Variants in SLC4A7 observed in about 807,000 individuals in gnomAD.
The protein encoded by SLC4A7 is sodium bicarbonate cotransporter 3.
SLC4A7 carries 51 observed loss-of-function variants against 137.6 expected under a neutral mutation model. That is an observed-to-expected ratio of 0.37 (90% CI 0.30 to 0.47). The LOEUF (loss-of-function observed/expected upper bound fraction) is 0.47. Among genes scored for constraint, SLC4A7 ranks in the 20% least tolerant of loss-of-function variants. The pLI, the probability that SLC4A7 is intolerant of heterozygous loss-of-function variation, is 1.00. For synonymous variants in SLC4A7, 542 were observed against 518.6 expected (o/e 1.05, Z -0.61); for missense variants, 1,247 against 1,525.4 (o/e 0.82, Z 3.04).
intron 10 of SLC4A7, among the ~76,000 whole-genome samples, chr3:27,420,101 A>T (rs1576344939): frequency 6.6e-6 from 1 of 151,838 alleles, no homozygotes; most frequent in South Asian, 2.1e-4. Context: ...AGGCAGGAGA[A>T]TTGCAGTGAG....
At chr3:27,405,926 G>C (rs1476931471) in intron 13 of SLC4A7, among the ~76,000 whole-genome samples, 1 of 152,146 alleles carries the variant, frequency 6.6e-6, no homozygotes, top group South Asian at 2.1e-4. Flanking sequence ...TAGGCTATCA[G>C]ATGATTAGCT....
chr3:27,451,428 T>C lies in SLC4A7; in HGVS notation c.142+989A>G, dbSNP rs1034195108. ...GTTGATATCATATTGTCCACAGATA[T>C]GGTGCACTGAAAAGGGAACATTACT... On this transcript the variant is annotated intron_variant, in intron 2 of 25. Coordinates refer to ENST00000454389, the MANE Select transcript of SLC4A7 (RefSeq NM_001321103.2). 6.8e-4 allele frequency among the ~76,000 whole-genome samples: 103 copies of C among 152,052 alleles called. 1 individual carries two copies. Among genetic ancestry groups the C allele is most frequent in the Non-Finnish European group, 3.2e-4 (22 of 67,944 alleles).
At chr3:27,417,890 C>T (rs2054549149) in intron 11 of SLC4A7, among the ~76,000 whole-genome samples, 1 of 152,186 alleles carries the variant, frequency 6.6e-6, no homozygotes, top group African/African-American at 2.4e-5. Flanking sequence ...TTTCATACAT[C>T]ACTGCAGGAG....
Position 27,437,458 on chromosome 3 carries a change from C to A in SLC4A7, c.358G>T (p.Asp120Tyr), listed in dbSNP as rs1275384945. ...AGTTCATCCATTTCCGTGAAGAGAT[C>A]ATGGGGAATATGTTCTTCATCATCA... ...EDDDEEHIPH[D>Y]LFTEMDELCY... The change falls in exon 4 of 26, where the codon GAT becomes TAT. Residue 120 changes from aspartate to tyrosine, a missense_variant. Asp to Tyr is a radical substitution (Grantham distance 160). Transcript: ENST00000454389. 1.3e-6 allele frequency: 2 copies of A among 1,598,098 alleles called. No homozygotes were observed. The highest frequency in any genetic ancestry group is 2.7e-5 in the African/African-American group (2 of 74,198).
chr3:27,481,776 G>A (rs539590525), intron 1 of SLC4A7, among the ~76,000 whole-genome samples: 14 of 152,184 alleles, frequency 9.2e-5, no homozygotes, highest in South Asian at 2.1e-4. Context: ...CCCCTACCAC[G>A]TCATTAACAG....
intron 19 of SLC4A7, 53 bp from the exon 20 acceptor site, chr3:27,394,822 TTAAAATTCTACACGAA>T: frequency 6.3e-7 from 1 of 1,579,128 alleles, no homozygotes; most frequent in South Asian, 1.2e-5. Context: ...TTCCCTCAAT[TTAAAATTCTACACGAA>T]TTATAAAGAG....
intron 14 of SLC4A7, 72 bp from the exon 15 acceptor site, chr3:27,403,456 C>A: frequency 1.0e-6 from 1 of 1,003,996 alleles, no homozygotes; most frequent in Non-Finnish European, 1.5e-6. Flanking sequence ...TTTTTCATTG[C>A]AAGCAATGGG....
rs72167120 is a variant in SLC4A7 at position 27,426,886 on chromosome 3, C to CA, written c.1151-2735dup. ...CCTAGCATTCACAATGAGCAAATTACAAAAAAATAAAGCTATCATTAGCAC... is the reference window on the plus strand; with the variant it reads ...CCTAGCATTCACAATGAGCAAATTACAAAAAAAATAAAGCTATCATTAGCAC... On this transcript the variant is annotated intron_variant, in intron 7 of 25. Transcript: ENST00000454389. 7.9e-5 allele frequency among the ~76,000 whole-genome samples: 12 copies of CA among 151,780 alleles called. No homozygotes were observed. In the South Asian group the frequency reaches 2.3e-3, roughly 29 times the overall value.
chr3:27,378,592 C>G (rs759368158), intron 25 of SLC4A7, among the ~76,000 whole-genome samples: 144 of 152,224 alleles, frequency 9.5e-4, no homozygotes, highest in Non-Finnish European at 1.1e-3. Context: ...AAAGAGGTTA[C>G]AAAATACTTT....
chr3:27,439,459 G>A (rs945344274), intron 3 of SLC4A7, among the ~76,000 whole-genome samples: 3 of 152,022 alleles, frequency 2.0e-5, no homozygotes, highest in Admixed American at 2.0e-4. Context: ...CCAGCATTTA[G>A]GTCTTGCACA....
chr3:27,378,708 C>G (rs28549310), intron 25 of SLC4A7, among the ~76,000 whole-genome samples: 3,640 of 152,238 alleles, frequency 0.024, 164 homozygotes, highest in African/African-American at 0.084. Context: ...AAATGGCATA[C>G]TAAACCAAAA....
chr3:27,467,009 TTATAATA>T (rs1254334246), intron 1 of SLC4A7, among the ~76,000 whole-genome samples: 1 of 152,212 alleles, frequency 6.6e-6, no homozygotes, highest in Non-Finnish European at 1.5e-5. Flanking sequence ...TTACTAGCTT[TTATAATA>T]GTCTTACACT....
At chr3:27,402,315 A>G (rs560202669) in intron 15 of SLC4A7, among the ~76,000 whole-genome samples, 51 of 152,312 alleles carry the variant, frequency 3.3e-4, no homozygotes, top group Non-Finnish European at 6.2e-4. Flanking sequence ...ATCCTACTTT[A>G]TTCTAGAATT....
In SLC4A7 at chr3:27,390,410, T is replaced by C. The variant is rs2051417372; in HGVS notation, c.3187-306A>G. The C allele has an allele frequency of 2.4e-5, 5 of 211,712 alleles. 1 individual carries two copies. The highest frequency in any genetic ancestry group is 4.7e-5 in the Non-Finnish European group (5 of 105,554). The allele number at this position is 211,712 out of a possible 1,614,324, so 13.1% of individuals were successfully genotyped here. On this transcript the variant is annotated intron_variant, in intron 21 of 25. Transcript: ENST00000454389. ...GATAAACTTATCTGCTATAATTGAATGCACAAGTCATTTATCTCTTTGTTT... is the reference window on the plus strand; with the variant it reads ...GATAAACTTATCTGCTATAATTGAACGCACAAGTCATTTATCTCTTTGTTT...
chr3:27,385,218 C>T (rs1366962940), intron 23 of SLC4A7, among the ~76,000 whole-genome samples: 2 of 152,112 alleles, frequency 1.3e-5, no homozygotes, highest in East Asian at 1.9e-4. Context: ...CTACAATCAA[C>T]AAAACCATCA....
chr3:27,406,434 A>G (rs1181351088), intron 13 of SLC4A7, among the ~76,000 whole-genome samples: 1 of 152,230 alleles, frequency 6.6e-6, no homozygotes, highest in Non-Finnish European at 1.5e-5. Flanking sequence ...GATCAAACTC[A>G]AAGATAAACA....
At position 27,433,912 on chromosome 3, in the gene SLC4A7, T is replaced by C. The variant is rs199704062; in HGVS notation, c.778+4A>G. 21 of 1,612,994 alleles carry C rather than the reference T, an allele frequency of 1.3e-5. No homozygotes were observed. Among genetic ancestry groups the C allele is most frequent in the Middle Eastern group, 3.3e-4 (2 of 6,078 alleles). ...CAAAAATTGGATGCCACAACTTATC[T>C]CACCATTCCTTTCAAGCAAGTGAGG... On this transcript the variant is annotated splice_donor_region_variant and intron_variant, in intron 6 of 25. Transcript: ENST00000454389.
At chr3:27,389,900 T>C in intron 22 of SLC4A7, 31 bp downstream of exon 22, 1 of 1,532,152 alleles carries the variant, frequency 6.5e-7, no homozygotes, top group Non-Finnish European at 9.0e-7. Flanking sequence ...TATTATTAAT[T>C]AGTGACAAAA....
chr3:27,410,669 G>A (rs1272699266), intron 12 of SLC4A7, among the ~76,000 whole-genome samples: 4 of 152,188 alleles, frequency 2.6e-5, no homozygotes, highest in Non-Finnish European at 5.9e-5. Context: ...AGGTGACTGA[G>A]ATCAGTGGAG....
Sources: allele counts gnomAD v4.1 joint callset (sites outside exome capture counted in the v4.1 genomes callset), GRCh38; gene constraint gnomAD v4.1.1; transcripts MANE v1.5; gene names NCBI Gene and HGNC (gene_info 2026-07-23, HGNC 2026-07-21).